CCDC175: variants seen among roughly 807,000 people sequenced by gnomAD.
The protein encoded by CCDC175 is coiled-coil domain-containing protein 175.
CCDC175 carries 100 observed loss-of-function variants against 114.6 expected under a neutral mutation model. The observed-to-expected ratio is 0.87, with a 90% CI of 0.74 to 1.03. The LOEUF is 1.03. Among genes scored for constraint, CCDC175 ranks in the 50% least tolerant of loss-of-function variants. The pLI is 0.00. For synonymous variants in CCDC175, 306 were observed against 308.7 expected (o/e 0.99, Z 0.09); for missense variants, 880 against 917.8 (o/e 0.96, Z 0.53).
intron 7 of CCDC175, among the ~76,000 whole-genome samples, chr14:59,557,270 G>C (rs1286137159): frequency 6.6e-6 from 1 of 152,048 alleles, no homozygotes; most frequent in African/African-American, 2.4e-5. Context: ...TATACACCAT[G>C]GAATACTATG....
chr14:59,560,151 G>A (rs1333097892), intron 7 of CCDC175, among the ~76,000 whole-genome samples: 1 of 151,912 alleles, frequency 6.6e-6, no homozygotes, highest in Non-Finnish European at 1.5e-5. Flanking sequence ...AAAGATTATT[G>A]CCTATTTTAT....
intron 2 of CCDC175, among the ~76,000 whole-genome samples, chr14:59,573,242 T>G (rs1896933728): frequency 6.6e-6 from 1 of 152,214 alleles, no homozygotes; most frequent in African/African-American, 2.4e-5. Context: ...GCTGTTATTA[T>G]TACTTTTAGC....
intron 13 of CCDC175, 121 bp downstream of exon 13, chr14:59,537,902 A>G (rs1369444768): frequency 1.6e-5 from 10 of 623,808 alleles, no homozygotes; most frequent in Non-Finnish European, 2.5e-5. Flanking sequence ...ATGAAATTGT[A>G]GCCTCTTTCA....
intron 12 of CCDC175, 132 bp downstream of exon 12, chr14:59,538,573 T>A (rs1894553368): frequency 2.7e-6 from 2 of 752,782 alleles, no homozygotes; most frequent in African/African-American, 1.8e-5. Flanking sequence ...GAAAATCAAA[T>A]AACTCACTCT....
At chr14:59,535,673 G>A (rs1894349880) in intron 13 of CCDC175, among the ~76,000 whole-genome samples, 1 of 152,136 alleles carries the variant, frequency 6.6e-6, no homozygotes, top group African/African-American at 2.4e-5. Context: ...CCTAATTAAA[G>A]GAAAAACTCA....
chr14:59,558,001 C>T (rs1032097612), intron 7 of CCDC175, among the ~76,000 whole-genome samples: 1 of 152,128 alleles, frequency 6.6e-6, no homozygotes. Context: ...TAAAAGGATC[C>T]TGGGAGCAAG....
At chr14:59,565,328 A>G (rs1980579) in intron 4 of CCDC175, 53 bp from the exon 5 acceptor site, 815,189 of 1,398,430 alleles carry the variant, frequency 0.58, 241,938 homozygotes, top group East Asian at 0.81. Flanking sequence ...TAAGAAAGGA[A>G]TAGTCTGTGT....
Position 59,563,738 on chromosome 14 carries a change from G to T in CCDC175, c.842C>A (p.Ala281Glu), listed in dbSNP as rs763150349. The change falls in exon 6 of 20, where the codon GCG (alanine) becomes GAG (glutamate). Residue 281 changes from alanine to glutamate, a missense_variant and splice_region_variant. Physicochemically the swap from Ala to Glu is moderately radical, Grantham distance 107 (BLOSUM62 -1). Coordinates refer to ENST00000537690, the MANE Select transcript of CCDC175 (RefSeq NM_001164399.2). ...TATATATAGTTTATTCTTTCTTACC[G>T]CTGCGGAAACAGTAACTGTTTCTTT... Reference protein sequence around the residue: ...KIKETVTVSAAVLSDHNLEIA... With the variant: ...KIKETVTVSAEVLSDHNLEIA... 1.4e-6 allele frequency: 2 copies of T among 1,397,270 alleles called. No individual in the cohort carries two copies. The highest frequency in any genetic ancestry group is 1.5e-5 in the African/African-American group (1 of 66,382). 86.6% of individuals were successfully genotyped at this position (1,397,270 alleles called of 1,614,324 possible).
At chr14:59,571,780 AATGTACAAT>A (rs1451579859) in intron 3 of CCDC175, among the ~76,000 whole-genome samples, 1 of 152,164 alleles carries the variant, frequency 6.6e-6, no homozygotes, top group Non-Finnish European at 1.5e-5. Flanking sequence ...AAAAAAATTG[AATGTACAAT>A]ACAATCTAGC....
intron 8 of CCDC175, among the ~76,000 whole-genome samples, chr14:59,548,483 G>A (rs1336375271): frequency 6.6e-6 from 1 of 152,144 alleles, no homozygotes; most frequent in African/African-American, 2.4e-5. Context: ...TATAACCATG[G>A]AATTTGGCTA....
At position 59,575,065 on chromosome 14, in the gene CCDC175, A is replaced by G. The variant is rs948401902; in HGVS notation, c.158-37T>C. 7.9e-6 allele frequency: 9 copies of G among 1,144,228 alleles called. No individual in the cohort carries two copies. The African/African-American group carries it at 1.4e-4, about 18-fold the overall frequency. 70.9% of individuals were successfully genotyped at this position (1,144,228 alleles called of 1,614,324 possible). A position where few individuals can be genotyped will look rare whatever the true frequency, so the allele number is the denominator to read the frequency against. On this transcript the variant is annotated intron_variant, in intron 1 of 19. Transcript: ENST00000537690. Reference sequence around the variant, plus strand: ...ATTAGAAAATAAAGATCTCTTATTTATCTATCCAAATCCTACTTAACCTTT... The same window carrying G: ...ATTAGAAAATAAAGATCTCTTATTTGTCTATCCAAATCCTACTTAACCTTT...
intron 8 of CCDC175, among the ~76,000 whole-genome samples, chr14:59,548,420 G>C (rs1043906679): frequency 6.6e-6 from 1 of 152,146 alleles, no homozygotes; most frequent in Non-Finnish European, 1.5e-5. Flanking sequence ...TTCTACCCTA[G>C]TGAAAATAAT....
In CCDC175 at chr14:59,506,762, A is replaced by T. The variant is rs111390843; in HGVS notation, c.2306-1447T>A. 2.1e-3 allele frequency among the ~76,000 whole-genome samples: 320 copies of T among 152,286 alleles called. 1 individual carries two copies. The highest frequency in any genetic ancestry group is 6.9e-3 in the African/African-American group (287 of 41,576). ...TAATTATAAGGAGGTGTTTTTCTAG[A>T]CTTAATCAAAATGTAGATGATTGTA... On this transcript the variant is annotated intron_variant, in intron 19 of 19. Transcript: ENST00000537690.
chr14:59,547,516 A>T (rs1415145547), intron 8 of CCDC175, among the ~76,000 whole-genome samples: 1 of 152,242 alleles, frequency 6.6e-6, no homozygotes, highest in Non-Finnish European at 1.5e-5. Context: ...AATAGTTCAA[A>T]TGAATAGAGT....
chr14:59,519,353 C>G (rs1338841972), intron 17 of CCDC175, among the ~76,000 whole-genome samples: 1 of 151,902 alleles, frequency 6.6e-6, no homozygotes, highest in African/African-American at 2.4e-5. Flanking sequence ...AATTAGAAAT[C>G]TAGACATAAA....
chr14:59,535,375 T>C (rs973606952), intron 13 of CCDC175, among the ~76,000 whole-genome samples: 2 of 152,226 alleles, frequency 1.3e-5, no homozygotes, highest in African/African-American at 4.8e-5. Flanking sequence ...TTATGTATCT[T>C]GCCTAATTGC....
intron 8 of CCDC175, 52 bp from the exon 9 acceptor site, chr14:59,545,351 G>A (rs1895039531): frequency 1.3e-6 from 2 of 1,510,998 alleles, no homozygotes; most frequent in South Asian, 1.2e-5. Context: ...CTGCTCCTCT[G>A]AGGCCATCTG....
Position 59,563,878 on chromosome 14 carries a change from G to A in CCDC175, c.721-19C>T. 3 of 1,366,368 alleles carry A rather than the reference G, an allele frequency of 2.2e-6. No homozygotes were observed. Among genetic ancestry groups the A allele is most frequent in the Non-Finnish European group, 2.8e-6 (3 of 1,063,208 alleles). 84.6% of individuals were successfully genotyped at this position (1,366,368 alleles called of 1,614,324 possible). A position where few individuals can be genotyped will look rare whatever the true frequency, so the allele number is the denominator to read the frequency against. ...CATTAATCTATAGTGACAAGCATAA[G>A]AAACCAATTTAAAAAGCCTATTAGC... On this transcript the variant is annotated intron_variant, in intron 5 of 19. Coordinates refer to ENST00000537690, the MANE Select transcript of CCDC175 (RefSeq NM_001164399.2).
At position 59,553,804 on chromosome 14, in the gene CCDC175, G is replaced by A. The variant is rs192834166; in HGVS notation, c.954-2368C>T. On this transcript the variant is annotated intron_variant, in intron 7 of 19. Coordinates refer to ENST00000537690, the MANE Select transcript of CCDC175 (RefSeq NM_001164399.2). ...CAAATGGAAAACAAAAAAAAGGCAG[G>A]GGTTGCAATCCTAGTCTCTCATAAA... Among the ~76,000 whole-genome samples the A allele has an allele frequency of 6.9e-3, 1,052 of 152,122 alleles. 6 individuals are homozygous for A. Among genetic ancestry groups the A allele is most frequent in the Middle Eastern group, 0.034 (10 of 294 alleles).
Sources: gnomAD v4.1 joint callset for allele counts (sites outside exome capture counted in the v4.1 genomes callset) on GRCh38, gnomAD v4.1.1 for gene constraint, MANE v1.5 for transcripts, NCBI Gene and HGNC (gene_info 2026-07-23, HGNC 2026-07-21) for gene names.